The following PREX1 variants were observed in gnomAD, a reference collection of about 807,000 sequenced individuals.
The protein encoded by PREX1 is phosphatidylinositol 3,4,5-trisphosphate-dependent Rac exchanger 1 protein.
Under a neutral mutation model 198.3 loss-of-function variants are expected in PREX1, and 41 were observed. The observed-to-expected ratio is 0.21, with a 90% CI of 0.16 to 0.27. The LOEUF is 0.27. Among genes scored for constraint, PREX1 ranks in the 10% least tolerant of loss-of-function variants. PREX1 has a pLI of 1.00. For synonymous variants in PREX1, 843 were observed against 887.2 expected (o/e 0.95, Z 0.89); for missense variants, 1,620 against 2,200.7 (o/e 0.74, Z 5.28).
rs73120690 is a variant in PREX1 at position 48,785,331 on chromosome 20, G to T, written c.220-37451C>A. On this transcript the variant is annotated intron_variant, in intron 1 of 39. Transcript: ENST00000371941. ...CACAGGAGGTTTACCAGCAGTGGCT[G>T]CCCCGCTCCCACACCTGTGATGGGT... Among the ~76,000 whole-genome samples the T allele has an allele frequency of 4.8e-3, 724 of 152,356 alleles. 1 individual carries two copies. The highest frequency in any genetic ancestry group is 7.3e-3 in the Non-Finnish European group (496 of 68,026).
intron 1 of PREX1, among the ~76,000 whole-genome samples, chr20:48,753,330 C>T (rs1223356607): frequency 1.3e-5 from 2 of 152,142 alleles, no homozygotes; most frequent in African/African-American, 4.8e-5. Flanking sequence ...CCAGGTCTCC[C>T]GATGCCAGGC....
At position 48,636,447 on chromosome 20, in the gene PREX1, C is replaced by T. The variant is rs201747460; in HGVS notation, c.4167+16G>A. ...GGGTGGGCCAGCGGGGCCGCCCTCC[C>T]GCCCCACTCACTCACCACTGTGGCT... On this transcript the variant is annotated intron_variant, in intron 32 of 39. Transcript: ENST00000371941. 9.6e-5 allele frequency: 153 copies of T among 1,590,302 alleles called. No individual in the cohort carries two copies. In the African/African-American group the frequency reaches 1.6e-3, roughly 16 times the overall value.
At chr20:48,697,917 G>A (rs113539307) in intron 7 of PREX1, among the ~76,000 whole-genome samples, 4,543 of 152,266 alleles carry the variant, frequency 0.03, 226 homozygotes, top group African/African-American at 0.1. Flanking sequence ...ATCCTGGATG[G>A]GTGGTGCCCT....
intron 4 of PREX1, among the ~76,000 whole-genome samples, chr20:48,732,861 C>T (rs1049598146): frequency 6.6e-6 from 1 of 152,128 alleles, no homozygotes; most frequent in African/African-American, 2.4e-5. Flanking sequence ...CTCTCCTTCC[C>T]GCCCTCCCTC....
intron 1 of PREX1, among the ~76,000 whole-genome samples, chr20:48,803,354 G>C (rs953058770): frequency 5.3e-5 from 8 of 152,262 alleles, no homozygotes; most frequent in African/African-American, 1.9e-4. Flanking sequence ...ATATGCGGGT[G>C]GGGGAGGGAG....
intron 1 of PREX1, among the ~76,000 whole-genome samples, chr20:48,777,632 AT>A (rs1216601243): frequency 6.6e-6 from 1 of 152,192 alleles, no homozygotes; most frequent in Admixed American, 6.5e-5. Context: ...ATGGACTCTG[AT>A]ATAAAGACCA....
chr20:48,779,655 C>T (rs1167445454), intron 1 of PREX1, among the ~76,000 whole-genome samples: 1 of 152,116 alleles, frequency 6.6e-6, no homozygotes, highest in Non-Finnish European at 1.5e-5. Context: ...CAAGGGAGTA[C>T]TACTCGGTAA....
At position 48,696,185 on chromosome 20, in the gene PREX1, G is replaced by A. The variant is rs572452736; in HGVS notation, c.918-3395C>T. Among the ~76,000 whole-genome samples the A allele has an allele frequency of 2.6e-5, 4 of 152,276 alleles. No individual in the cohort carries two copies. The East Asian group carries it at 7.7e-4, about 29-fold the overall frequency. The stretch of plus-strand genomic sequence containing the variant: ...AGATATTTGCTTACTCCTAAATCAT[G>A]AAGATATTCTCCCATGCTTTCTTGT... On this transcript the variant is annotated intron_variant, in intron 7 of 39. Coordinates refer to ENST00000371941, the MANE Select transcript of PREX1 (RefSeq NM_020820.4).
Position 48,817,338 on chromosome 20 carries a change from T to C in PREX1, c.219+10304A>G, listed in dbSNP as rs138429859. ...TGGTCAAAATAAATTCAGTCACTTATTTCAAGTCCCAGGAAGGATCTCAGG... is the reference window on the plus strand; with the variant it reads ...TGGTCAAAATAAATTCAGTCACTTACTTCAAGTCCCAGGAAGGATCTCAGG... On this transcript the variant is annotated intron_variant, in intron 1 of 39. Transcript: ENST00000371941. Among the ~76,000 whole-genome samples, 5 of 152,344 alleles carry C rather than the reference T, an allele frequency of 3.3e-5. No individual in the cohort carries two copies. In the East Asian group the frequency reaches 9.6e-4, roughly 29 times the overall value.
rs763605293 is a variant in PREX1, at chr20:48,645,940, A to C, written c.3423T>G (p.His1141Gln). 6 of 1,614,020 alleles carry C rather than the reference A, an allele frequency of 3.7e-6. No homozygotes were observed. The highest frequency in any genetic ancestry group is 2.2e-5 in the East Asian group (1 of 44,862). ...SEESEMDRSD[H>Q]GGIKKVCFKV... is the part of the protein sequence containing the mutation. ...TGAAGCACACCTTCTTGATGCCCCC[A>C]TGGTCACTCCTGTCCATCTCGCTCT... The change falls in exon 26 of 40, where the codon CAT (histidine) becomes CAG (glutamine). Residue 1141 changes from histidine to glutamine, a missense_variant. Physicochemically the swap from His to Gln is conservative, Grantham distance 24. Coordinates refer to ENST00000371941, the MANE Select transcript of PREX1 (RefSeq NM_020820.4).
chr20:48,843,542 G>A, the PREX1 span, among the ~76,000 whole-genome samples: 10 of 152,172 alleles, frequency 6.6e-5, no homozygotes, highest in Admixed American at 5.2e-4. Flanking sequence ...ACTCTGCCAG[G>A]TTAATGCTAT....
At chr20:48,821,214 G>C (rs1320663049) in intron 1 of PREX1, among the ~76,000 whole-genome samples, 1 of 152,074 alleles carries the variant, frequency 6.6e-6, no homozygotes, top group Non-Finnish European at 1.5e-5. Flanking sequence ...AAAAAAACGG[G>C]GGGATTTTTG....
intron 1 of PREX1, among the ~76,000 whole-genome samples, chr20:48,795,231 G>A (rs578013302): frequency 2.6e-5 from 4 of 152,202 alleles, no homozygotes; most frequent in South Asian, 2.1e-4. Context: ...GTTCTGCCAC[G>A]TATTTGCTGT....
chr20:48,632,170 C>A, intron 35 of PREX1, 107 bp downstream of exon 35: 2 of 1,014,782 alleles, frequency 2.0e-6, no homozygotes, highest in South Asian at 1.3e-5. Context: ...AAAGGGTGTG[C>A]GGCCCACTGC....
At chr20:48,732,856 C>T (rs1321202376) in intron 4 of PREX1, among the ~76,000 whole-genome samples, 1 of 152,128 alleles carries the variant, frequency 6.6e-6, no homozygotes, top group Non-Finnish European at 1.5e-5. Context: ...GTATGCTCTC[C>T]TTCCCGCCCT....
intron 29 of PREX1, 188 bp downstream of exon 29, chr20:48,641,980 T>C (rs2089417058): frequency 3.7e-6 from 2 of 536,630 alleles, no homozygotes; most frequent in South Asian, 4.9e-5. Flanking sequence ...AAAAGAACCA[T>C]TCTTGGCTCA....
intron 1 of PREX1, among the ~76,000 whole-genome samples, chr20:48,793,026 G>A (rs981716125): frequency 7.2e-5 from 11 of 152,030 alleles, no homozygotes; most frequent in African/African-American, 1.4e-4. Flanking sequence ...CCAACATTGC[G>A]ATACCCCATA....
In PREX1 at chr20:48,625,058, CTCTTT is replaced by C. The variant is rs1176566673; in HGVS notation, c.*822_*826del. The stretch of plus-strand genomic sequence containing the variant: ...TCAATAATTTAGTTTTTCTTTTGTG[CTCTTT>C]TTTTTTTAGTAGAAGCAGGAACAGT... On this transcript the variant is annotated 3_prime_UTR_variant, in exon 40 of 40. Transcript: ENST00000371941. 2.0e-5 allele frequency: 3 copies of C among 152,526 alleles called. No homozygotes were observed. The highest frequency in any genetic ancestry group is 4.8e-5 in the African/African-American group (2 of 41,418). 9.4% of individuals were successfully genotyped at this position (152,526 alleles called of 1,614,324 possible).
intron 1 of PREX1, among the ~76,000 whole-genome samples, chr20:48,804,475 C>T (rs532650562): frequency 1.8e-4 from 28 of 152,330 alleles, no homozygotes; most frequent in African/African-American, 6.5e-4. Context: ...TCCCGACCAA[C>T]AGGACAGCAT....
Sources: gnomAD v4.1 joint callset for allele counts (sites outside exome capture counted in the v4.1 genomes callset) on GRCh38, gnomAD v4.1.1 for gene constraint, MANE v1.5 for transcripts, NCBI Gene and HGNC (gene_info 2026-07-23, HGNC 2026-07-21) for gene names.